The following SOX5 variants were observed in gnomAD, a reference collection of about 807,000 sequenced individuals.
The protein encoded by SOX5 is transcription factor SOX-5.
Under a neutral mutation model 92.0 loss-of-function variants are expected in SOX5, and 9 were observed. The observed-to-expected ratio is 0.10, with a 90% CI of 0.06 to 0.17. SOX5 has a LOEUF of 0.17. Ranked by LOEUF, SOX5 falls within the 10% of genes least tolerant of loss-of-function variation. The pLI is 1.00. For synonymous variants in SOX5, 344 were observed against 336.3 expected (o/e 1.02, Z -0.25); for missense variants, 642 against 944.5 (o/e 0.68, Z 4.20).
intron 4 of SOX5, among the ~76,000 whole-genome samples, chr12:24,127,044 A>G (rs968319805): frequency 6.6e-6 from 1 of 151,960 alleles, no homozygotes; most frequent in Non-Finnish European, 1.5e-5. Context: ...TTAACATAAG[A>G]TTGCACATTA....
At chr12:24,082,299 C>T (rs1294219441) in intron 4 of SOX5, among the ~76,000 whole-genome samples, 1 of 150,170 alleles carries the variant, frequency 6.7e-6, no homozygotes, top group Non-Finnish European at 1.5e-5. Context: ...GTCTGTGCCC[C>T]ACAAGCACTA....
rs144719842 is a variant in SOX5, at chr12:23,534,739, C to T, written c.1989-217G>A. On this transcript the variant is annotated intron_variant, in intron 14 of 14. Transcript: ENST00000451604. ...TTTTTTTTTTGAGATGACGTAGTTTCGCTCCTGTTGCCTAGGCTGCAGTGC... is the reference window on the plus strand; with the variant it reads ...TTTTTTTTTTGAGATGACGTAGTTTTGCTCCTGTTGCCTAGGCTGCAGTGC... Among the ~76,000 whole-genome samples the T allele has an allele frequency of 2.8e-3, 333 of 119,246 alleles. 1 individual carries two copies. The highest frequency in any genetic ancestry group is 9.7e-3 in the African/African-American group (298 of 30,766). 78.2% of individuals were successfully genotyped at this position (119,246 alleles called of 152,430 possible).
rs376477083 is a variant in SOX5, at chr12:24,539,616, A to G, written c.-251+22713T>C. On this transcript the variant is annotated intron_variant, in intron 1 of 4. Coordinates refer to the SOX5 transcript ENST00000446891. ...CAGGGTCACAAAAACTGACCACAGT[A>G]AAATTATCTTTTAATTGTTTGCTCT... is the stretch of plus-strand genomic sequence containing the variant. Among the ~76,000 whole-genome samples, 5 of 152,242 alleles carry G rather than the reference A, an allele frequency of 3.3e-5. No individual in the cohort carries two copies. The East Asian group carries it at 5.8e-4, about 18-fold the overall frequency.
intron 4 of SOX5, among the ~76,000 whole-genome samples, chr12:23,978,700 T>C (rs528390686): frequency 6.6e-6 from 1 of 152,296 alleles, no homozygotes; most frequent in South Asian, 2.1e-4. Flanking sequence ...CTGTGTTCCA[T>C]ATCTAGCTCT....
chr12:24,203,280 T>C (rs1436927675), intron 4 of SOX5, among the ~76,000 whole-genome samples: 1 of 152,224 alleles, frequency 6.6e-6, no homozygotes. Flanking sequence ...TGTTTACTCC[T>C]TCCCTACTTT....
chr12:24,068,135 A>G (rs1385393465), intron 4 of SOX5, among the ~76,000 whole-genome samples: 1 of 152,134 alleles, frequency 6.6e-6, no homozygotes, highest in Admixed American at 6.5e-5. Flanking sequence ...ACAGAGGGAG[A>G]CTCCGTCTCA....
intron 2 of SOX5, among the ~76,000 whole-genome samples, chr12:24,341,413 G>A (rs904193306): frequency 1.3e-5 from 2 of 152,216 alleles, no homozygotes; most frequent in African/African-American, 2.4e-5. Flanking sequence ...GGGAGGTGGA[G>A]GCCGCAGTGA....
rs368986385 is a variant in SOX5 at position 24,089,791 on chromosome 12, G to T, written c.-2+123552C>A. 4.4e-4 allele frequency among the ~76,000 whole-genome samples: 67 copies of T among 152,174 alleles called. 1 individual carries two copies. The South Asian group carries it at 0.013, about 30-fold the overall frequency. ...ACCTGAATAGTTAAAGTAAATGAAA[G>T]ATGCATTCTGAATATGGGAACTCTC... On this transcript the variant is annotated intron_variant, in intron 4 of 4. Coordinates refer to the SOX5 transcript ENST00000446891.
At chr12:23,891,504 A>T (rs1296409491) in intron 2 of SOX5, among the ~76,000 whole-genome samples, 1 of 152,138 alleles carries the variant, frequency 6.6e-6, no homozygotes, top group Non-Finnish European at 1.5e-5. Flanking sequence ...CTTGTCTCTA[A>T]CCTATTCAGG....
chr12:24,074,440 C>T (rs570425655), intron 4 of SOX5, among the ~76,000 whole-genome samples: 2 of 151,764 alleles, frequency 1.3e-5, no homozygotes, highest in Admixed American at 1.3e-4. Flanking sequence ...TAAAAACTAA[C>T]TACATTAAAT....
In SOX5 at chr12:24,270,015, T is replaced by C. The variant is rs986230134; in HGVS notation, c.-77+7201A>G. Among the ~76,000 whole-genome samples, 10 of 152,138 alleles carry C rather than the reference T, an allele frequency of 6.6e-5. No individual in the cohort carries two copies. In the East Asian group the frequency reaches 1.7e-3, roughly 26 times the overall value. ...TTCTTTTCCAGAATACTGGACAGAATAAATGCTTATTTTAGTATCCTATTT... is the reference window on the plus strand; with the variant it reads ...TTCTTTTCCAGAATACTGGACAGAACAAATGCTTATTTTAGTATCCTATTT... On this transcript the variant is annotated intron_variant, in intron 3 of 4. Transcript: ENST00000446891.
chr12:24,048,850 CTG>C (rs1491025934), intron 4 of SOX5, among the ~76,000 whole-genome samples: 1 of 152,096 alleles, frequency 6.6e-6, no homozygotes, highest in African/African-American at 2.4e-5. Flanking sequence ...TTGCCTATGG[CTG>C]TTAGTGTTTC....
At chr12:24,071,374 A>C (rs1941750219) in intron 4 of SOX5, among the ~76,000 whole-genome samples, 3 of 152,216 alleles carry the variant, frequency 2.0e-5, no homozygotes, top group African/African-American at 7.2e-5. Flanking sequence ...ATGGCTCAAG[A>C]AGGTGAAAAG....
intron 3 of SOX5, among the ~76,000 whole-genome samples, chr12:23,777,866 A>C (rs908683708): frequency 5.9e-5 from 9 of 152,348 alleles, no homozygotes; most frequent in Middle Eastern, 3.4e-3. Context: ...GATACATAAG[A>C]GATGAGATTG....
upstream of SOX5, among the ~76,000 whole-genome samples, chr12:23,954,219 G>A (rs1324525326): frequency 6.6e-6 from 1 of 151,836 alleles, no homozygotes; most frequent in Non-Finnish European, 1.5e-5. Context: ...TATTTGATAT[G>A]AATTCCTACC....
intron 3 of SOX5, among the ~76,000 whole-genome samples, chr12:23,816,335 G>C (rs1473400663): frequency 6.6e-6 from 1 of 151,288 alleles, no homozygotes; most frequent in Admixed American, 6.6e-5. Context: ...TCAGCCTCTC[G>C]AGTAGCTGGG....
intron 3 of SOX5, among the ~76,000 whole-genome samples, chr12:23,835,279 G>A (rs2096394650): frequency 6.6e-6 from 1 of 151,802 alleles, no homozygotes. Flanking sequence ...AAGAATATCT[G>A]AATGTATGAT....
rs150335213 is a variant in SOX5, at chr12:24,062,419, A to G, written c.-2+150924T>C. On this transcript the variant is annotated intron_variant, in intron 4 of 4. Coordinates refer to the SOX5 transcript ENST00000446891. Reference sequence around the variant, plus strand: ...GACAATGTAGTTGTTTGCCGAAAAGAAATTCACTGGACTACTGGTCAAATA... The same window carrying G: ...GACAATGTAGTTGTTTGCCGAAAAGGAATTCACTGGACTACTGGTCAAATA... Among the ~76,000 whole-genome samples, 718 of 152,348 alleles carry G rather than the reference A, an allele frequency of 4.7e-3. 5 individuals are homozygous for G. The highest frequency in any genetic ancestry group is 0.044 in the Middle Eastern group (13 of 294).
At position 24,506,784 on chromosome 12, in the gene SOX5, C is replaced by CTTTTT. The variant is rs386375924; in HGVS notation, c.-251+55540_-251+55544dup. Among the ~76,000 whole-genome samples the CTTTTT allele has an allele frequency of 8.1e-3, 663 of 81,718 alleles. 41 individuals are homozygous for CTTTTT. Among genetic ancestry groups the CTTTTT allele is most frequent in the East Asian group, 0.017 (36 of 2,070 alleles). 53.6% of individuals were successfully genotyped at this position (81,718 alleles called of 152,430 possible). On this transcript the variant is annotated intron_variant, in intron 1 of 4. Transcript: ENST00000446891. ...CTGTATTTCATGGTATCCAAATGGT[C>CTTTTT]TTTTTTTTTTTTTTTTTTTTTTGGA...
Sources: allele counts gnomAD v4.1 joint callset (sites outside exome capture counted in the v4.1 genomes callset), GRCh38; gene constraint gnomAD v4.1.1; transcripts MANE v1.5; gene names NCBI Gene and HGNC (gene_info 2026-07-23, HGNC 2026-07-21).